Variants in DYM observed in about 807,000 individuals in gnomAD.
DYM encodes the protein dyggve-Melchior-Clausen syndrome protein.
A neutral mutation model predicts 93.1 loss-of-function variants in DYM; 78 were observed. The ratio of observed to expected loss-of-function variants is 0.84; its 90% CI spans 0.70 to 1.01. The LOEUF is 1.01. DYM is among the 50% of genes least tolerant of loss of function. DYM has a pLI of 0.00. For missense variants in DYM, 789 were observed against 845.0 expected (o/e 0.93, Z 0.82); for synonymous variants, 321 against 319.7 (o/e 1.00, Z -0.04).
At chr18:49,129,483 A>G (rs1285291644) in intron 15 of DYM, among the ~76,000 whole-genome samples, 1 of 152,244 alleles carries the variant, frequency 6.6e-6, no homozygotes, top group African/African-American at 2.4e-5. Flanking sequence ...GAAGGAACAC[A>G]AACATTCACC....
At chr18:49,402,273 G>A (rs2070941251) in intron 2 of DYM, among the ~76,000 whole-genome samples, 1 of 152,124 alleles carries the variant, frequency 6.6e-6, no homozygotes, top group Non-Finnish European at 1.5e-5. Context: ...TAAGGAGTTT[G>A]GATTCCATCC....
At chr18:49,214,628 G>A (rs2092943699) in intron 13 of DYM, among the ~76,000 whole-genome samples, 1 of 152,038 alleles carries the variant, frequency 6.6e-6, no homozygotes, top group South Asian at 2.1e-4. Flanking sequence ...GGGCTGAAGG[G>A]GCTAATTGTT....
chr18:49,356,356 T>C (rs2147248364), intron 6 of DYM, among the ~76,000 whole-genome samples: 1 of 152,344 alleles, frequency 6.6e-6, no homozygotes, highest in East Asian at 1.9e-4. Context: ...ACTGTAAACT[T>C]AATACGTAAT....
intron 2 of DYM, among the ~76,000 whole-genome samples, chr18:49,403,103 T>C (rs2071043387): frequency 6.6e-6 from 1 of 152,132 alleles, no homozygotes; most frequent in South Asian, 2.1e-4. Context: ...CCCATAAGTA[T>C]TGAACTGTCA....
chr18:49,106,480 G>A (rs1405482270), intron 16 of DYM, among the ~76,000 whole-genome samples: 1 of 152,140 alleles, frequency 6.6e-6, no homozygotes, highest in Non-Finnish European at 1.5e-5. Flanking sequence ...CTTGTTAGTC[G>A]ATGCAGTTTC....
chr18:49,287,200 A>ATAC (rs1568175179), intron 8 of DYM, among the ~76,000 whole-genome samples: 1 of 151,942 alleles, frequency 6.6e-6, no homozygotes, highest in Non-Finnish European at 1.5e-5. Context: ...AATAATAATA[A>ATAC]TAATAAATGC....
chr18:49,440,061 G>C (rs1403988355), intron 1 of DYM, among the ~76,000 whole-genome samples: 1 of 126,664 alleles, frequency 7.9e-6, no homozygotes, highest in African/African-American at 2.7e-5. Flanking sequence ...AATAAAACAT[G>C]ATATGCTCAA....
At chr18:49,137,050 CA>C (rs1206310621) in intron 15 of DYM, among the ~76,000 whole-genome samples, 1 of 152,180 alleles carries the variant, frequency 6.6e-6, no homozygotes, top group Non-Finnish European at 1.5e-5. Context: ...AGTGACAGTA[CA>C]GAATGAAGAT....
intron 8 of DYM, among the ~76,000 whole-genome samples, chr18:49,328,202 T>G (rs2063042681): frequency 6.6e-6 from 1 of 152,210 alleles, no homozygotes; most frequent in Non-Finnish European, 1.5e-5. Context: ...AGTTCTCATT[T>G]TATTGTATGT....
chr18:49,441,154 TA>T lies in DYM; in HGVS notation c.-53-10708del, dbSNP rs2081473502. On this transcript the variant is annotated intron_variant, in intron 1 of 17. Coordinates refer to ENST00000675505, the MANE Select transcript of DYM (RefSeq NM_001353214.3). ...TATATAAATATATTATATAATATAATATATATTATATATTATATAATTATAT... is the reference window on the plus strand; with the variant it reads ...TATATAAATATATTATATAATATAATTATATTATATATTATATAATTATAT... Among the ~76,000 whole-genome samples the T allele has an allele frequency of 2.6e-4, 2 of 7,574 alleles. 1 individual carries two copies. The highest frequency in any genetic ancestry group is 7.9e-3 in the Admixed American group (2 of 252). The allele number at this position is 7,574 out of a possible 152,430, so 5.0% of individuals were successfully genotyped here.
intron 16 of DYM, among the ~76,000 whole-genome samples, chr18:49,097,874 G>GCTCTCTCTCTCTCTCTCT (rs61301668): frequency 2.8e-5 from 4 of 141,180 alleles, no homozygotes; most frequent in Admixed American, 7.2e-5. Context: ...CTTAATATTA[G>GCTCTCTCTCTCTCTCTCT]CTCTCTCTCT....
intron 2 of DYM, among the ~76,000 whole-genome samples, chr18:49,419,349 A>G (rs563247596): frequency 6.6e-6 from 1 of 152,184 alleles, no homozygotes; most frequent in South Asian, 2.1e-4. Flanking sequence ...ACAGAGCAAG[A>G]CTCTGTCTCA....
chr18:49,376,699 G>GAT, intron 5 of DYM, among the ~76,000 whole-genome samples: 1 of 152,332 alleles, frequency 6.6e-6, no homozygotes, highest in South Asian at 2.1e-4. Flanking sequence ...AATGAAAGGC[G>GAT]ATAGACTCCT....
chr18:49,282,977 G>A (rs1324558795), intron 9 of DYM, among the ~76,000 whole-genome samples: 1 of 152,178 alleles, frequency 6.6e-6, no homozygotes. Flanking sequence ...CAGTATAGAC[G>A]TTCCTCAACT....
At chr18:49,225,858 C>T (rs2093508831) in intron 13 of DYM, among the ~76,000 whole-genome samples, 3 of 151,984 alleles carry the variant, frequency 2.0e-5, no homozygotes, top group African/African-American at 7.2e-5. Flanking sequence ...TCTTAAATAG[C>T]AATTTTATAA....
chr18:49,116,976 A>C (rs1488992369), intron 16 of DYM, among the ~76,000 whole-genome samples: 1 of 152,236 alleles, frequency 6.6e-6, no homozygotes, highest in Non-Finnish European at 1.5e-5. Flanking sequence ...AGATGAAATA[A>C]TCGAGAAGTT....
intron 6 of DYM, among the ~76,000 whole-genome samples, chr18:49,338,699 CCT>C (rs1282436448): frequency 2.0e-5 from 3 of 152,104 alleles, no homozygotes; most frequent in Non-Finnish European, 4.4e-5. Context: ...ATGGGAAACA[CCT>C]CTTTTATTTC....
chr18:49,100,360 C>T (rs2080011721), intron 16 of DYM, among the ~76,000 whole-genome samples: 1 of 152,022 alleles, frequency 6.6e-6, no homozygotes, highest in African/African-American at 2.4e-5. Context: ...AAAGACACGA[C>T]AAACCAACAA....
At chr18:49,329,807 T>G (rs1250961229) in intron 8 of DYM, 1 of 152,190 alleles carries the variant, frequency 6.6e-6, no homozygotes, top group Non-Finnish European at 1.5e-5. Flanking sequence ...CCAACAAAAA[T>G]GAATATAATC....
Sources: allele counts gnomAD v4.1 joint callset (sites outside exome capture counted in the v4.1 genomes callset), GRCh38; gene constraint gnomAD v4.1.1; transcripts MANE v1.5; gene names NCBI Gene and HGNC (gene_info 2026-07-23, HGNC 2026-07-21).